CAP1: variants seen among roughly 807,000 people sequenced by gnomAD.
The protein encoded by CAP1 is adenylyl cyclase-associated protein 1.
A neutral mutation model predicts 58.2 loss-of-function variants in CAP1; 11 were observed. The observed-to-expected ratio is 0.19, with a 90% CI of 0.12 to 0.31. The LOEUF (loss-of-function observed/expected upper bound fraction) is 0.31. Among genes scored for constraint, CAP1 ranks in the 10% least tolerant of loss-of-function variants. The probability of loss-of-function intolerance (pLI) is 1.00; values close to 1 mark genes in which losing one functional copy is unlikely to be tolerated. For missense variants in CAP1, 423 were observed against 587.5 expected (o/e 0.72, Z 2.89); for synonymous variants, 183 against 213.8 (o/e 0.86, Z 1.26).
chr1:40,058,664 G>A (rs1206982405), intron 1 of CAP1, among the ~76,000 whole-genome samples: 2 of 152,080 alleles, frequency 1.3e-5, no homozygotes, highest in Non-Finnish European at 2.9e-5. Flanking sequence ...GGAGCTTGCA[G>A]TGAGCTGAGA....
intron 1 of CAP1, among the ~76,000 whole-genome samples, chr1:40,047,445 T>A (rs1046034925): frequency 6.6e-6 from 1 of 152,344 alleles, no homozygotes; most frequent in East Asian, 1.9e-4. Flanking sequence ...TTGTTTTGTT[T>A]TGTTTTTTCC....
chr1:40,061,585 T>C, intron 3 of CAP1, 150 bp from the exon 4 acceptor site: 1 of 699,820 alleles, frequency 1.4e-6, no homozygotes, highest in Non-Finnish European at 2.6e-6. Flanking sequence ...AATTCTGCTC[T>C]CAGTCCCTGG....
intron 1 of CAP1, among the ~76,000 whole-genome samples, chr1:40,041,913 A>G (rs1645851370): frequency 6.6e-6 from 1 of 152,260 alleles, no homozygotes; most frequent in African/African-American, 2.4e-5. Context: ...GAAGAGTGGA[A>G]TGAGAACATT....
intron 3 of CAP1, 151 bp downstream of exon 3, chr1:40,060,321 G>A: frequency 1.8e-6 from 1 of 543,686 alleles, no homozygotes; most frequent in South Asian, 2.6e-5. Context: ...CTGTACTGAG[G>A]AGTTCAGTCT....
At chr1:40,054,364 A>G (rs1267605086) in intron 1 of CAP1, among the ~76,000 whole-genome samples, 1 of 151,914 alleles carries the variant, frequency 6.6e-6, no homozygotes, top group Admixed American at 6.6e-5. Flanking sequence ...CTAAGTAGAG[A>G]CGAGGTTTCA....
At chr1:40,047,726 A>G (rs1471290941) in intron 1 of CAP1, among the ~76,000 whole-genome samples, 1 of 152,238 alleles carries the variant, frequency 6.6e-6, no homozygotes, top group Non-Finnish European at 1.5e-5. Flanking sequence ...CTTTGAACGT[A>G]GGAGAGAAGA....
chr1:40,041,880 G>A (rs1394275922), intron 1 of CAP1, among the ~76,000 whole-genome samples: 2 of 152,182 alleles, frequency 1.3e-5, no homozygotes, highest in African/African-American at 4.8e-5. Context: ...GATGAATTTT[G>A]AAGGATAAAT....
chr1:40,059,032 T>TTTTTTTTTTTTTTTTTTTTTTGAGACGG (rs1553163419), intron 1 of CAP1, among the ~76,000 whole-genome samples: 2 of 152,022 alleles, frequency 1.3e-5, no homozygotes, highest in African/African-American at 4.8e-5. Flanking sequence ...TCTAACTTTC[T>TTTTTTTTTTTTTTTTTTTTTTGAGACGG]ACACACAGTA....
intron 1 of CAP1, among the ~76,000 whole-genome samples, chr1:40,058,411 G>C (rs570936132): frequency 1.3e-5 from 2 of 152,168 alleles, no homozygotes; most frequent in East Asian, 3.9e-4. Context: ...CATATGTTAA[G>C]TCTCCCCATT....
In CAP1 at chr1:40,072,174, G is replaced by A. The variant is rs1295858633; in HGVS notation, c.*641G>A. The A allele has an allele frequency of 2.5e-6, 1 of 397,862 alleles. No individual in the cohort carries two copies. Among genetic ancestry groups the A allele is most frequent in the East Asian group, 3.6e-5 (1 of 28,066 alleles). The allele number at this position is 397,862 out of a possible 1,614,324, so 24.6% of individuals were successfully genotyped here. ...TGCTGTAGCAGTGCCCTTCATCCAGGGCAGTTAATGGAGTCTTGGACCCTT... is the reference window on the plus strand; with the variant it reads ...TGCTGTAGCAGTGCCCTTCATCCAGAGCAGTTAATGGAGTCTTGGACCCTT... On this transcript the variant is annotated 3_prime_UTR_variant, in exon 13 of 13. Transcript: ENST00000372805.
At chr1:40,051,000 C>T (rs1646338699) in intron 1 of CAP1, among the ~76,000 whole-genome samples, 1 of 152,110 alleles carries the variant, frequency 6.6e-6, no homozygotes, top group Non-Finnish European at 1.5e-5. Context: ...TGTACATAGC[C>T]TGCTTGGTCT....
Position 40,070,416 on chromosome 1 carries a change from C to G in CAP1, c.1118-14C>G. On this transcript the variant is annotated splice_polypyrimidine_tract_variant and intron_variant, in intron 10 of 12. Transcript: ENST00000372805. Reference sequence around the variant, plus strand: ...TTAAAGTTACACGTTGACACACTCCCTTTCTTCTCCTAGATAACTGTAAGA... The same window carrying G: ...TTAAAGTTACACGTTGACACACTCCGTTTCTTCTCCTAGATAACTGTAAGA... 6.2e-7 allele frequency: 1 copy of G among 1,611,632 alleles called. No homozygotes were observed. The highest frequency in any genetic ancestry group is 8.5e-7 in the Non-Finnish European group (1 of 1,177,728).
chr1:40,065,879 A>G (rs996825894), intron 6 of CAP1, among the ~76,000 whole-genome samples: 2 of 152,104 alleles, frequency 1.3e-5, no homozygotes, highest in Admixed American at 1.3e-4. Context: ...TACATATTAG[A>G]TTGTGTTTAA....
chr1:40,071,099 C>A, intron 12 of CAP1, 120 bp downstream of exon 12: 1 of 911,204 alleles, frequency 1.1e-6, no homozygotes, highest in Non-Finnish European at 1.7e-6. Context: ...CAATAATGCA[C>A]ACCAAAAGTA....
rs1047178589 is a variant in CAP1, at chr1:40,072,031, G to C, written c.*498G>C. 10 of 403,336 alleles carry C rather than the reference G, an allele frequency of 2.5e-5. No individual in the cohort carries two copies. Among genetic ancestry groups the C allele is most frequent in the African/African-American group, 2.1e-4 (10 of 48,618 alleles). 25.0% of individuals were successfully genotyped at this position (403,336 alleles called of 1,614,324 possible). A position where few individuals can be genotyped will look rare whatever the true frequency, so the allele number is the denominator to read the frequency against. ...AGGCAAGGGTTGCACTGGACCAAAG[G>C]CTGAGGCTTGGCCATCTAGCATTCC... is the stretch of plus-strand genomic sequence containing the variant. On this transcript the variant is annotated 3_prime_UTR_variant, in exon 13 of 13. Coordinates refer to ENST00000372805, the MANE Select transcript of CAP1 (RefSeq NM_006367.4).
At chr1:40,061,285 G>A (rs1328704826) in intron 3 of CAP1, among the ~76,000 whole-genome samples, 2 of 152,112 alleles carry the variant, frequency 1.3e-5, no homozygotes, top group African/African-American at 4.8e-5. Context: ...TGGCATTTGA[G>A]AGATAGCTTT....
chr1:40,069,452 ATATCCTTATCCTCACC>A (rs1570430994), intron 8 of CAP1: 2 of 410,144 alleles, frequency 4.9e-6, no homozygotes, highest in East Asian at 8.6e-5. Flanking sequence ...AAGGATTTAC[ATATCCTTATCCTCACC>A]CACAATATAC....
chr1:40,056,297 T>C (rs1646612477), intron 1 of CAP1, among the ~76,000 whole-genome samples: 3 of 99,256 alleles, frequency 3.0e-5, no homozygotes, highest in Non-Finnish European at 6.6e-5. Flanking sequence ...AGGTGAAAGC[T>C]GGATTTTTTT....
In CAP1 at chr1:40,066,288, T is replaced by G. The variant is rs777938795; in HGVS notation, c.598T>G (p.Phe200Val). 1 of 1,610,416 alleles carries G rather than the reference T, an allele frequency of 6.2e-7. No individual in the cohort carries two copies. The highest frequency in any genetic ancestry group is 1.1e-5 in the South Asian group (1 of 90,984). The change falls in exon 7 of 13, where the codon TTC (phenylalanine) becomes GTC (valine). Residue 200 changes from phenylalanine to valine, a missense_variant. By Grantham distance (50) the Phe-to-Val change is conservative. Transcript: ENST00000372805. The stretch of plus-strand genomic sequence containing the variant: ...AGAGCTGCAGGCTTACATTAAGGAG[T>G]TCCATACCACCGGACTGGCCTGGAG... ...WTELQAYIKE[F>V]HTTGLAWSKT...
Sources: gnomAD v4.1 joint callset for allele counts (sites outside exome capture counted in the v4.1 genomes callset) on GRCh38, gnomAD v4.1.1 for gene constraint, MANE v1.5 for transcripts, NCBI Gene and HGNC (gene_info 2026-07-23, HGNC 2026-07-21) for gene names.